Variants in SLMAP observed in about 807,000 individuals in gnomAD.
SLMAP encodes sarcolemma associated protein.
A neutral mutation model predicts 128.8 loss-of-function variants in SLMAP; 44 were observed. The observed-to-expected ratio is 0.34, with a 90% CI of 0.27 to 0.44. SLMAP has a LOEUF of 0.44. Ranked by LOEUF, SLMAP falls within the 20% of genes least tolerant of loss-of-function variation. The probability of loss-of-function intolerance (pLI) is 1.00; values close to 1 mark genes in which losing one functional copy is unlikely to be tolerated. For missense variants in SLMAP, 787 were observed against 985.3 expected (o/e 0.80, Z 2.69); for synonymous variants, 327 against 348.8 (o/e 0.94, Z 0.70).
chr3:57,869,216 G>A (rs891715297), intron 13 of SLMAP, among the ~76,000 whole-genome samples: 3 of 150,700 alleles, frequency 2.0e-5, no homozygotes, highest in Non-Finnish European at 4.4e-5. Flanking sequence ...ACAGGAGAAA[G>A]ATGTAGGCTG....
At chr3:57,883,766 G>A (rs186903266) in intron 14 of SLMAP, among the ~76,000 whole-genome samples, 4 of 152,212 alleles carry the variant, frequency 2.6e-5, no homozygotes, top group Admixed American at 2.0e-4. Context: ...CTGAAGGCCT[G>A]CAATGGGGTA....
chr3:57,876,012 A>G (rs1474142293), intron 14 of SLMAP, among the ~76,000 whole-genome samples: 1 of 152,230 alleles, frequency 6.6e-6, no homozygotes, highest in Non-Finnish European at 1.5e-5. Flanking sequence ...GAACTGATTT[A>G]TAATTTTGAA....
At chr3:57,869,630 T>TTTTATATATATATATATA (rs1451155377) in intron 13 of SLMAP, among the ~76,000 whole-genome samples, 15 of 75,464 alleles carry the variant, frequency 2.0e-4, no homozygotes, top group Admixed American at 1.6e-3. Flanking sequence ...CCCATCTCTA[T>TTTTATATATATATATATA]TATATATATA....
At chr3:57,857,051 ATG>A (rs146573779) in intron 6 of SLMAP, among the ~76,000 whole-genome samples, 54 of 151,946 alleles carry the variant, frequency 3.6e-4, no homozygotes, top group South Asian at 2.1e-4. Flanking sequence ...GTGTGTATGT[ATG>A]TGTGTGTGTG....
At chr3:57,807,182 T>A (rs2090059675) in intron 2 of SLMAP, among the ~76,000 whole-genome samples, 1 of 152,258 alleles carries the variant, frequency 6.6e-6, no homozygotes, top group Admixed American at 6.5e-5. Flanking sequence ...AAGTGTCTGT[T>A]CATATCCTTT....
In SLMAP at chr3:57,852,166, C is replaced by T. The variant is rs1377888999; in HGVS notation, c.519+2350C>T. On this transcript the variant is annotated intron_variant, in intron 6 of 24. Transcript: ENST00000671191. ...GACCTCGTTATCTGCCCACCTTGGCCTCCCAAAGTGCTGGGATTACAGGCC... is the reference window on the plus strand; with the variant it reads ...GACCTCGTTATCTGCCCACCTTGGCTTCCCAAAGTGCTGGGATTACAGGCC... 2.0e-5 allele frequency among the ~76,000 whole-genome samples: 3 copies of T among 152,312 alleles called. No homozygotes were observed. In the East Asian group the frequency reaches 5.8e-4, roughly 29 times the overall value.
At chr3:57,780,516 A>G (rs2082821380) in intron 2 of SLMAP, among the ~76,000 whole-genome samples, 1 of 152,110 alleles carries the variant, frequency 6.6e-6, no homozygotes, top group South Asian at 2.1e-4. Flanking sequence ...AAAAACTTGG[A>G]TAGGTGAGGT....
intron 21 of SLMAP, 129 bp from the exon 22 acceptor site, chr3:57,916,777 T>G: frequency 2.9e-6 from 2 of 686,814 alleles, no homozygotes; most frequent in Non-Finnish European, 4.7e-6. Flanking sequence ...TATTTCATTC[T>G]TTTTTATACT....
chr3:57,808,637 G>C (rs1187686723), intron 2 of SLMAP, among the ~76,000 whole-genome samples: 2 of 152,076 alleles, frequency 1.3e-5, no homozygotes, highest in African/African-American at 4.8e-5. Context: ...TATGATTTTT[G>C]TTCTTTTGCA....
chr3:57,912,288 C>A, intron 19 of SLMAP, 93 bp from the exon 20 acceptor site: 2 of 1,060,738 alleles, frequency 1.9e-6, no homozygotes, highest in Non-Finnish European at 2.8e-6. Context: ...AAAGCAACAG[C>A]TCTGACAACC....
intron 24 of SLMAP, chr3:57,926,293 A>T (rs1056992972): frequency 2.7e-5 from 5 of 188,668 alleles, no homozygotes; most frequent in Non-Finnish European, 4.3e-5. Flanking sequence ...ATGAGAAATG[A>T]AGAGTTTGCC....
intron 23 of SLMAP, among the ~76,000 whole-genome samples, chr3:57,924,694 A>G (rs1160259176): frequency 2.6e-5 from 4 of 152,000 alleles, no homozygotes; most frequent in Non-Finnish European, 4.4e-5. Flanking sequence ...CCAAACCTTT[A>G]TTACATGTGA....
intron 2 of SLMAP, among the ~76,000 whole-genome samples, chr3:57,759,904 A>G: frequency 6.6e-6 from 1 of 152,216 alleles, no homozygotes; most frequent in Non-Finnish European, 1.5e-5. Flanking sequence ...AGAATAGGTC[A>G]GTAGTGACTG....
intron 20 of SLMAP, 68 bp from the exon 21 acceptor site, chr3:57,913,090 C>T: frequency 1.3e-6 from 1 of 782,956 alleles, no homozygotes; most frequent in Non-Finnish European, 2.1e-6. Flanking sequence ...AAATCTTTTC[C>T]TTTATCCTTT....
chr3:57,863,383 G>C (rs2095180323), intron 10 of SLMAP, among the ~76,000 whole-genome samples: 1 of 152,204 alleles, frequency 6.6e-6, no homozygotes, highest in African/African-American at 2.4e-5. Context: ...GAGAAGACCA[G>C]AGCATACCTC....
chr3:57,889,190 T>A (rs1467077274), intron 14 of SLMAP, among the ~76,000 whole-genome samples: 2 of 152,296 alleles, frequency 1.3e-5, no homozygotes, highest in Non-Finnish European at 1.5e-5. Flanking sequence ...GGCCCCTCTT[T>A]CTGATTTTAA....
At chr3:57,775,950 C>T (rs760657555) in intron 2 of SLMAP, among the ~76,000 whole-genome samples, 7 of 152,150 alleles carry the variant, frequency 4.6e-5, no homozygotes, top group Non-Finnish European at 7.3e-5. Flanking sequence ...CCAGCTGCCT[C>T]GGCCTCCCAA....
intron 2 of SLMAP, among the ~76,000 whole-genome samples, chr3:57,830,265 C>T (rs920319812): frequency 2.0e-5 from 3 of 152,196 alleles, no homozygotes; most frequent in Admixed American, 6.5e-5. Flanking sequence ...GCCTCAGCCT[C>T]CCAAAGTTCT....
intron 2 of SLMAP, among the ~76,000 whole-genome samples, chr3:57,813,149 G>T (rs1235581255): frequency 1.3e-5 from 2 of 148,624 alleles, no homozygotes; most frequent in African/African-American, 5.0e-5. Context: ...AGGCTGGAGC[G>T]CAGTGGTGTG....
Sources: gnomAD v4.1 joint callset for allele counts (sites outside exome capture counted in the v4.1 genomes callset) on GRCh38, gnomAD v4.1.1 for gene constraint, MANE v1.5 for transcripts, NCBI Gene and HGNC (gene_info 2026-07-23, HGNC 2026-07-21) for gene names.